Variants in SLIT2 observed in about 807,000 individuals in gnomAD.
SLIT2 encodes the protein slit guidance ligand 2, also known as slit homolog 2 protein.
SLIT2 carries 41 observed loss-of-function variants against 185.7 expected under a neutral mutation model. That is an observed-to-expected ratio of 0.22 (90% CI 0.17 to 0.29). SLIT2 has a LOEUF of 0.29. SLIT2 is among the 10% of genes least tolerant of loss of function. SLIT2 has a pLI of 1.00. For missense variants in SLIT2, 1,571 were observed against 1,909.0 expected, an observed-to-expected ratio of 0.82 and a Z score of 3.30; for synonymous variants, 693 against 680.2, an observed-to-expected ratio of 1.02 and a Z score of -0.29.
At chr4:20,470,484 C>G (rs1209541994) in intron 5 of SLIT2, among the ~76,000 whole-genome samples, 19 of 129,202 alleles carry the variant, frequency 1.5e-4, no homozygotes, top group South Asian at 2.8e-4. Context: ...GCAGTGGAGT[C>G]TGTGTGTGTG....
chr4:20,385,124 T>C (rs926271932), intron 4 of SLIT2, among the ~76,000 whole-genome samples: 3 of 152,136 alleles, frequency 2.0e-5, no homozygotes, highest in African/African-American at 2.4e-5. Flanking sequence ...GAGGACCTCA[T>C]TGGGAAGAGT....
chr4:20,297,446 T>G lies in SLIT2; in HGVS notation c.395+28565T>G, dbSNP rs371577599. 5.9e-5 allele frequency among the ~76,000 whole-genome samples: 9 copies of G among 152,276 alleles called. No individual in the cohort carries two copies. The East Asian group carries it at 1.2e-3, about 20-fold the overall frequency. On this transcript the variant is annotated intron_variant, in intron 4 of 36. Coordinates refer to ENST00000504154, the MANE Select transcript of SLIT2 (RefSeq NM_004787.4). ...CCCCTTCCACTTGAATGCTAAGAAC[T>G]TGGATGTTTTGAATGAGCTATTCGC...
intron 34 of SLIT2, among the ~76,000 whole-genome samples, chr4:20,611,677 C>G (rs1461590286): frequency 6.6e-6 from 1 of 152,150 alleles, no homozygotes; most frequent in Non-Finnish European, 1.5e-5. Context: ...CACAAGCATA[C>G]CTGTGATTTG....
At chr4:20,347,881 G>A (rs1721552638) in intron 4 of SLIT2, among the ~76,000 whole-genome samples, 2 of 152,162 alleles carry the variant, frequency 1.3e-5, no homozygotes, top group Admixed American at 1.3e-4. Flanking sequence ...TGTATAATGA[G>A]CTTTGACTTT....
intron 29 of SLIT2, among the ~76,000 whole-genome samples, chr4:20,582,924 T>G (rs2148937569): frequency 6.6e-6 from 1 of 152,318 alleles, no homozygotes; most frequent in South Asian, 2.1e-4. Flanking sequence ...GGCAGGAGGC[T>G]TCTTCAGCCA....
At chr4:20,360,183 C>G (rs560387239) in intron 4 of SLIT2, among the ~76,000 whole-genome samples, 1 of 152,124 alleles carries the variant, frequency 6.6e-6, no homozygotes, top group Non-Finnish European at 1.5e-5. Flanking sequence ...TTAAGTCATT[C>G]CATTAACCAA....
intron 4 of SLIT2, among the ~76,000 whole-genome samples, chr4:20,406,775 T>C (rs939992393): frequency 4.9e-5 from 7 of 144,026 alleles, no homozygotes; most frequent in African/African-American, 1.7e-4. Flanking sequence ...ATTAAACTTA[T>C]TCATTCCCTA....
intron 4 of SLIT2, among the ~76,000 whole-genome samples, chr4:20,318,572 C>T (rs935346872): frequency 6.6e-6 from 1 of 152,120 alleles, no homozygotes; most frequent in Non-Finnish European, 1.5e-5. Flanking sequence ...TATTTTTTAA[C>T]TTGACCTGTT....
At chr4:20,388,326 T>C (rs1468595836) in intron 4 of SLIT2, among the ~76,000 whole-genome samples, 1 of 152,040 alleles carries the variant, frequency 6.6e-6, no homozygotes, top group Non-Finnish European at 1.5e-5. Flanking sequence ...ATCCAGAATA[T>C]ATAAAGAATC....
intron 4 of SLIT2, among the ~76,000 whole-genome samples, chr4:20,363,312 TAC>T (rs1189942273): frequency 1.3e-5 from 2 of 152,098 alleles, no homozygotes; most frequent in African/African-American, 4.8e-5. Flanking sequence ...GAAAACAAAA[TAC>T]AAAAAAGATA....
intron 4 of SLIT2, among the ~76,000 whole-genome samples, chr4:20,386,331 T>C (rs779787195): frequency 2.0e-5 from 3 of 152,240 alleles, no homozygotes; most frequent in Non-Finnish European, 2.9e-5. Flanking sequence ...ACAATGTTTA[T>C]GGCTTCATCT....
chr4:20,497,262 G>GA (rs35299120), intron 9 of SLIT2, among the ~76,000 whole-genome samples: 11 of 147,638 alleles, frequency 7.5e-5, no homozygotes, highest in Middle Eastern at 3.5e-3. Context: ...AAAAACTTGG[G>GA]AAAAAAAAAA....
intron 4 of SLIT2, among the ~76,000 whole-genome samples, chr4:20,318,096 C>G (rs1345208979): frequency 6.6e-6 from 1 of 152,060 alleles, no homozygotes; most frequent in Non-Finnish European, 1.5e-5. Context: ...AGAATTTTTT[C>G]TTTTGTCCAT....
rs531056044 is a variant in SLIT2, at chr4:20,414,797, G to A, written c.396-52955G>A. Among the ~76,000 whole-genome samples, 23 of 152,226 alleles carry A rather than the reference G, an allele frequency of 1.5e-4. No homozygotes were observed. The South Asian group carries it at 4.8e-3, about 32-fold the overall frequency. ...CGCTTTTTTCTTACTGCTTTCAAGAGCCTCTCCTTGCCTTTGTCTTTCAGC... is the reference window on the plus strand; with the variant it reads ...CGCTTTTTTCTTACTGCTTTCAAGAACCTCTCCTTGCCTTTGTCTTTCAGC... On this transcript the variant is annotated intron_variant, in intron 4 of 36. Coordinates refer to ENST00000504154, the MANE Select transcript of SLIT2 (RefSeq NM_004787.4).
At chr4:20,360,761 CA>C (rs1326612261) in intron 4 of SLIT2, among the ~76,000 whole-genome samples, 1 of 152,032 alleles carries the variant, frequency 6.6e-6, no homozygotes, top group Non-Finnish European at 1.5e-5. Flanking sequence ...ACTATTCTTT[CA>C]GAAGCAATAA....
chr4:20,291,461 TATATATATATATATATATATATATA>T (rs1715814053), intron 4 of SLIT2, among the ~76,000 whole-genome samples: 1 of 29,896 alleles, frequency 3.3e-5, no homozygotes, highest in Non-Finnish European at 5.9e-5. Flanking sequence ...TATATATATA[TATATATATATATATATATATATATA>T]TATATATTTT....
In SLIT2 at chr4:20,274,006, G is replaced by T. The variant is rs571131556; in HGVS notation, c.395+5125G>T. ...ACCGACATCATTACTCATCTAGCGC[G>T]CTGCCATGATAGCTACCGCTGATTT... On this transcript the variant is annotated intron_variant, in intron 4 of 36. Transcript: ENST00000504154. Among the ~76,000 whole-genome samples the T allele has an allele frequency of 2.0e-5, 3 of 152,116 alleles. No homozygotes were observed. In the South Asian group the frequency reaches 6.2e-4, roughly 32 times the overall value.
intron 5 of SLIT2, among the ~76,000 whole-genome samples, chr4:20,479,348 A>C (rs1716459057): frequency 2.0e-5 from 3 of 152,216 alleles, no homozygotes; most frequent in Admixed American, 1.3e-4. Context: ...CAGCTATTTT[A>C]TAGAAATGTT....
chr4:20,312,403 A>G (rs1046194385), intron 4 of SLIT2, among the ~76,000 whole-genome samples: 13 of 152,216 alleles, frequency 8.5e-5, no homozygotes, highest in Admixed American at 8.5e-4. Context: ...TATGTTCACA[A>G]AACATTTTAA....
Sources: allele counts gnomAD v4.1 joint callset (sites outside exome capture counted in the v4.1 genomes callset), GRCh38; gene constraint gnomAD v4.1.1; transcripts MANE v1.5; gene names NCBI Gene and HGNC (gene_info 2026-07-23, HGNC 2026-07-21).